The following GRM7 variants were observed in gnomAD, a reference collection of about 807,000 sequenced individuals.
GRM7 encodes the protein metabotropic glutamate receptor 7.
A neutral mutation model predicts 84.5 loss-of-function variants in GRM7; 35 were observed. The observed-to-expected ratio is 0.41, with a 90% CI of 0.32 to 0.55. GRM7 has a LOEUF of 0.55. Among genes scored for constraint, GRM7 ranks in the 20% least tolerant of loss-of-function variants. The probability of loss-of-function intolerance (pLI) is 0.19; values close to 1 mark genes in which losing one functional copy is unlikely to be tolerated. For missense variants in GRM7, 1,003 were observed against 1,194.6 expected (o/e 0.84, Z 2.36); for synonymous variants, 487 against 455.1 (o/e 1.07, Z -0.89).
chr3:7,237,277 C>G (rs1428372897), intron 2 of GRM7, among the ~76,000 whole-genome samples: 2 of 152,154 alleles, frequency 1.3e-5, no homozygotes, highest in Non-Finnish European at 2.9e-5. Context: ...TGAGAAGCCC[C>G]TTAACTTTAA....
intron 8 of GRM7, among the ~76,000 whole-genome samples, chr3:7,675,139 A>G (rs557069145): frequency 2.0e-5 from 3 of 152,356 alleles, no homozygotes; most frequent in African/African-American, 7.2e-5. Flanking sequence ...AAAGACATCA[A>G]TAGTAATAAG....
At chr3:7,536,382 A>G (rs1233636507) in intron 7 of GRM7, among the ~76,000 whole-genome samples, 1 of 152,194 alleles carries the variant, frequency 6.6e-6, no homozygotes, top group South Asian at 2.1e-4. Context: ...ACGAACAAAA[A>G]CTGGGGTATT....
At chr3:7,722,491 C>A (rs1701985369) in intron 9 of GRM7, among the ~76,000 whole-genome samples, 1 of 147,846 alleles carries the variant, frequency 6.8e-6, no homozygotes, top group South Asian at 2.1e-4. Flanking sequence ...GTTGCCTAGG[C>A]TGAAGTGCAG....
chr3:7,598,138 T>A (rs1169021207), intron 8 of GRM7, among the ~76,000 whole-genome samples: 1 of 152,192 alleles, frequency 6.6e-6, no homozygotes, highest in Non-Finnish European at 1.5e-5. Context: ...GTCATCATAA[T>A]CTGACATATT....
intron 1 of GRM7, among the ~76,000 whole-genome samples, chr3:7,064,161 A>G (rs957108951): frequency 8.6e-5 from 13 of 150,964 alleles, no homozygotes; most frequent in Non-Finnish European, 1.6e-4. Flanking sequence ...TTTAGTGGTG[A>G]TTTGTGAGAT....
intron 1 of GRM7, among the ~76,000 whole-genome samples, chr3:6,976,249 C>A (rs1227949343): frequency 6.6e-6 from 1 of 152,134 alleles, no homozygotes; most frequent in Non-Finnish European, 1.5e-5. Flanking sequence ...GTTTATTGAG[C>A]ATTTGAAAAA....
At chr3:6,965,487 C>T (rs946139953) in intron 1 of GRM7, among the ~76,000 whole-genome samples, 6 of 151,788 alleles carry the variant, frequency 4.0e-5, no homozygotes, top group Admixed American at 2.6e-4. Flanking sequence ...CCACCATGCC[C>T]GGCTAATTTT....
chr3:7,583,639 G>A (rs189612328), intron 8 of GRM7, among the ~76,000 whole-genome samples: 72 of 152,258 alleles, frequency 4.7e-4, no homozygotes, highest in Middle Eastern at 3.4e-3. Flanking sequence ...AAGATTAATC[G>A]ACTTAAAGAA....
intron 2 of GRM7, among the ~76,000 whole-genome samples, chr3:7,150,064 CAT>C (rs1216171930): frequency 2.7e-5 from 4 of 145,734 alleles, no homozygotes; most frequent in South Asian, 2.2e-4. Flanking sequence ...TATGTGTATA[CAT>C]ATATGTGTGT....
chr3:7,437,551 T>C (rs1697109405), intron 5 of GRM7, among the ~76,000 whole-genome samples: 1 of 152,096 alleles, frequency 6.6e-6, no homozygotes, highest in South Asian at 2.1e-4. Flanking sequence ...ATTAAATATA[T>C]AAATTTATGG....
chr3:7,084,532 A>T (rs1479382085), intron 1 of GRM7, among the ~76,000 whole-genome samples: 4 of 152,148 alleles, frequency 2.6e-5, no homozygotes, highest in Non-Finnish European at 5.9e-5. Context: ...GAGAAAAGGG[A>T]TAACACTGAG....
At chr3:7,407,957 A>C (rs1275671564) in intron 4 of GRM7, among the ~76,000 whole-genome samples, 2 of 152,262 alleles carry the variant, frequency 1.3e-5, no homozygotes, top group African/African-American at 4.8e-5. Context: ...TTACACACTT[A>C]CATGCTGGAC....
At chr3:7,728,157 G>C (rs1210910407) in intron 9 of GRM7, among the ~76,000 whole-genome samples, 1 of 152,136 alleles carries the variant, frequency 6.6e-6, no homozygotes, top group Non-Finnish European at 1.5e-5. Context: ...AAAAGAAAAA[G>C]TAGCTCCAGC....
chr3:7,091,985 T>G (rs1055947983), intron 1 of GRM7, among the ~76,000 whole-genome samples: 3 of 151,688 alleles, frequency 2.0e-5, no homozygotes, highest in African/African-American at 7.3e-5. Context: ...ATGTATTCAG[T>G]TTTTATTTTA....
chr3:7,217,465 G>GA (rs574240463), intron 2 of GRM7, among the ~76,000 whole-genome samples: 40 of 151,426 alleles, frequency 2.6e-4, no homozygotes, highest in Non-Finnish European at 4.7e-4. Flanking sequence ...AAGTCTAAAG[G>GA]AAAAAAAATT....
chr3:7,303,273 TAAA>T (rs1700072415), intron 3 of GRM7, among the ~76,000 whole-genome samples: 1 of 152,092 alleles, frequency 6.6e-6, no homozygotes. Flanking sequence ...AATAAATACA[TAAA>T]AAAACTAAAA....
At chr3:7,629,864 C>T (rs1697787616) in intron 8 of GRM7, among the ~76,000 whole-genome samples, 1 of 151,946 alleles carries the variant, frequency 6.6e-6, no homozygotes. Context: ...GATTTGAAAC[C>T]CAGGAAATTA....
intron 1 of GRM7, among the ~76,000 whole-genome samples, chr3:6,931,291 G>A (rs75568370): frequency 0.014 from 2,068 of 152,174 alleles, 50 homozygotes; most frequent in African/African-American, 0.046. Flanking sequence ...GGAGAATGCC[G>A]TGACTTACTA....
chr3:6,966,302 T>C (rs1405907046), intron 1 of GRM7, among the ~76,000 whole-genome samples: 1 of 152,182 alleles, frequency 6.6e-6, no homozygotes, highest in African/African-American at 2.4e-5. Context: ...TCCTTCACAT[T>C]TGGTTGTTCT....
Sources: allele counts gnomAD v4.1 joint callset (sites outside exome capture counted in the v4.1 genomes callset), GRCh38; gene constraint gnomAD v4.1.1; transcripts MANE v1.5; gene names NCBI Gene and HGNC (gene_info 2026-07-23, HGNC 2026-07-21).